Variants in AKT3 observed in about 807,000 individuals in gnomAD.
AKT3 encodes RAC-gamma serine/threonine-protein kinase.
A neutral mutation model predicts 65.3 loss-of-function variants in AKT3; 15 were observed. That is an observed-to-expected ratio of 0.23 (90% CI 0.15 to 0.35). The LOEUF is 0.35. AKT3 is among the 10% of genes least tolerant of loss of function. AKT3 has a pLI of 1.00. For missense variants in AKT3, 243 were observed against 576.5 expected (o/e 0.42, Z 5.92); for synonymous variants, 206 against 183.8 (o/e 1.12, Z -0.98).
At chr1:243,588,758 A>C (rs1288201626) in intron 8 of AKT3, among the ~76,000 whole-genome samples, 4 of 152,148 alleles carry the variant, frequency 2.6e-5, no homozygotes, top group African/African-American at 9.7e-5. Flanking sequence ...TTAAAAACTT[A>C]AACGTAAGAC....
intron 3 of AKT3, among the ~76,000 whole-genome samples, chr1:243,669,819 G>A (rs1389358616): frequency 2.0e-5 from 3 of 152,074 alleles, no homozygotes; most frequent in Non-Finnish European, 4.4e-5. Context: ...GCTTAGAAAA[G>A]AATAAAATAC....
chr1:243,793,368 A>G (rs376199169), intron 2 of AKT3: 191 of 152,266 alleles, frequency 1.3e-3, no homozygotes, highest in African/African-American at 4.5e-3. Context: ...GATTACAGGC[A>G]CAAGCCACCG....
chr1:243,713,809 T>C (rs1463450691), intron 2 of AKT3, among the ~76,000 whole-genome samples: 2 of 147,362 alleles, frequency 1.4e-5, no homozygotes, highest in African/African-American at 2.5e-5. Context: ...AGCATAATGT[T>C]AAGCAAGCTA....
intron 2 of AKT3, among the ~76,000 whole-genome samples, chr1:243,758,615 G>A (rs1689291408): frequency 6.6e-6 from 1 of 152,298 alleles, no homozygotes; most frequent in South Asian, 2.1e-4. Context: ...GGAAGAGGTA[G>A]GGGGAGAAGG....
intron 2 of AKT3, among the ~76,000 whole-genome samples, chr1:243,758,389 A>C (rs556849043): frequency 2.0e-5 from 3 of 152,366 alleles, no homozygotes; most frequent in African/African-American, 7.2e-5. Context: ...CCTGTGGGAA[A>C]GAGTTTTCTT....
At chr1:243,622,905 T>G (rs1001608739) in intron 6 of AKT3, among the ~76,000 whole-genome samples, 3 of 152,194 alleles carry the variant, frequency 2.0e-5, no homozygotes, top group Admixed American at 2.0e-4. Context: ...GAAAAAGAGA[T>G]GCCAGTAATC....
intron 2 of AKT3, among the ~76,000 whole-genome samples, chr1:243,785,990 GA>G (rs1185126728): frequency 3.3e-5 from 5 of 152,224 alleles, no homozygotes; most frequent in African/African-American, 1.2e-4. Flanking sequence ...CTGCAAGTGA[GA>G]AAGGCCTATG....
At chr1:243,571,719 T>C (rs1032844873) in intron 9 of AKT3, among the ~76,000 whole-genome samples, 1 of 152,220 alleles carries the variant, frequency 6.6e-6, no homozygotes, top group Non-Finnish European at 1.5e-5. Flanking sequence ...TTAGACAGTA[T>C]AGGATTATCT....
At chr1:243,835,807 A>T (rs1229124429) in intron 2 of AKT3, among the ~76,000 whole-genome samples, 3 of 151,974 alleles carry the variant, frequency 2.0e-5, no homozygotes, top group Non-Finnish European at 4.4e-5. Context: ...GAAGATAAGA[A>T]AGTATGAAGA....
chr1:243,507,004 C>T (rs543584831), intron 13 of AKT3, among the ~76,000 whole-genome samples: 1 of 152,226 alleles, frequency 6.6e-6, no homozygotes, highest in Admixed American at 6.5e-5. Flanking sequence ...CAGCTAAAAC[C>T]TTAATGTTCA....
At chr1:243,583,166 G>GTATA (rs1479928964) in intron 8 of AKT3, among the ~76,000 whole-genome samples, 66 of 85,794 alleles carry the variant, frequency 7.7e-4, no homozygotes, top group South Asian at 2.5e-3. Flanking sequence ...ATGTATATGT[G>GTATA]TGTGTATATA....
chr1:243,811,520 G>A (rs1693152734), intron 2 of AKT3, among the ~76,000 whole-genome samples: 2 of 152,156 alleles, frequency 1.3e-5, no homozygotes, highest in African/African-American at 4.8e-5. Flanking sequence ...CGAAATAAGA[G>A]AGAATACAAA....
At chr1:243,593,179 C>T (rs925114647) in intron 8 of AKT3, among the ~76,000 whole-genome samples, 3 of 152,114 alleles carry the variant, frequency 2.0e-5, no homozygotes, top group African/African-American at 7.2e-5. Context: ...TTGCATGAGG[C>T]CAGCATTGCC....
At chr1:243,845,614 GA>G (rs1377684237) in intron 1 of AKT3, among the ~76,000 whole-genome samples, 2 of 123,806 alleles carry the variant, frequency 1.6e-5, no homozygotes, top group Non-Finnish European at 3.5e-5. Context: ...GAAAAGAAAA[GA>G]AAAAGAATTT....
At chr1:243,849,464 C>CG in intron 1 of AKT3, among the ~76,000 whole-genome samples, 1 of 149,192 alleles carries the variant, frequency 6.7e-6, no homozygotes, top group East Asian at 2.0e-4. Flanking sequence ...AAGGAGACCC[C>CG]GGGGACGCCT....
At chr1:243,807,343 C>T (rs917653152) in intron 2 of AKT3, among the ~76,000 whole-genome samples, 14 of 152,218 alleles carry the variant, frequency 9.2e-5, no homozygotes, top group Admixed American at 7.2e-4. Context: ...CCTAATACTG[C>T]GCTTTTCCAA....
Position 243,502,369 on chromosome 1 carries a change from T to C in AKT3, c.*2880A>G, listed in dbSNP as rs962185570. The C allele has an allele frequency of 1.7e-5, 4 of 232,872 alleles. No individual in the cohort carries two copies. The highest frequency in any genetic ancestry group is 6.0e-5 in the East Asian group (1 of 16,558). The allele number at this position is 232,872 out of a possible 1,614,324, so 14.4% of individuals were successfully genotyped here. On this transcript the variant is annotated 3_prime_UTR_variant, in exon 14 of 14. Transcript: ENST00000673466. ...GGAAAACAATACTTGAATAATGCTA[T>C]GTAATTAGTGTAGAAAGCAAAGCTG...
At chr1:243,807,660 C>G (rs908043384) in intron 2 of AKT3, among the ~76,000 whole-genome samples, 1 of 152,212 alleles carries the variant, frequency 6.6e-6, no homozygotes, top group African/African-American at 2.4e-5. Flanking sequence ...TTAAATGTCC[C>G]TGTCTGACAG....
intron 2 of AKT3, among the ~76,000 whole-genome samples, chr1:243,697,132 A>G (rs1366892280): frequency 6.6e-6 from 1 of 152,068 alleles, no homozygotes. Context: ...AATTGAAAAT[A>G]GATTTTATAA....
Sources: gnomAD v4.1 joint callset for allele counts (sites outside exome capture counted in the v4.1 genomes callset) on GRCh38, gnomAD v4.1.1 for gene constraint, MANE v1.5 for transcripts, NCBI Gene and HGNC (gene_info 2026-07-23, HGNC 2026-07-21) for gene names.